Variants in GAS2L2 observed in about 807,000 individuals in gnomAD.
The protein encoded by GAS2L2 is growth arrest specific 2 like 2, also known as GAS2-like protein 2.
In GAS2L2, 21 loss-of-function variants were observed where a neutral mutation model predicts 35.2. That is an observed-to-expected ratio of 0.60 (90% CI 0.42 to 0.86). The LOEUF (loss-of-function observed/expected upper bound fraction) is 0.86. Among genes scored for constraint, GAS2L2 ranks in the 40% least tolerant of loss-of-function variants. GAS2L2 has a pLI of 0.00. For synonymous variants in GAS2L2, 490 were observed against 473.2 expected, an observed-to-expected ratio of 1.04 and a Z score of -0.46; for missense variants, 1,169 against 1,144.4, an observed-to-expected ratio of 1.02 and a Z score of -0.31.
At position 35,750,169 on chromosome 17, in the gene GAS2L2, C is replaced by T. The variant is rs2143022398; in HGVS notation, c.535G>A (p.Val179Met). Residue 179 changes from valine to methionine, a missense_variant, in exon 2 of 6, where the codon GTG becomes ATG. This residue lies in a region of GAS2L2 where 1,035 missense variants were observed against 976.5 expected (regional missense o/e 1.06). Coordinates refer to ENST00000604641, the MANE Select transcript of GAS2L2 (RefSeq NM_139285.4). ...GGGGGCAGGGCCAGCTCCCGCCGCA[C>T]CTCCTCCTCGATCTCCTCCTCCAGC... ...VQLEEEIEEE[V>M]RRELALPPPD... is the part of the protein sequence containing the mutation. The T allele has an allele frequency of 1.2e-6, 2 of 1,611,916 alleles. No homozygotes were observed. The highest frequency in any genetic ancestry group is 1.7e-6 in the Non-Finnish European group (2 of 1,178,946).
rs2085661170 is a variant in GAS2L2 at position 35,745,672 on chromosome 17, A to G, written c.1825T>C (p.Leu609=). The G allele has an allele frequency of 1.9e-6, 3 of 1,613,958 alleles. No homozygotes were observed. The highest frequency in any genetic ancestry group is 1.7e-6 in the Non-Finnish European group (2 of 1,180,032). Residue 609 remains leucine, a synonymous_variant, in exon 6 of 6, where the codon TTG becomes CTG. Coordinates refer to ENST00000604641, the MANE Select transcript of GAS2L2 (RefSeq NM_139285.4). ...ACTTCTAGCAGCTTCATGTTGCCCA[A>G]AATCTCCTCTTCAAGGCTACAGTAG... is the stretch of plus-strand genomic sequence containing the variant. ...AIYCSLEEEI[L]GNMKLLEVRS... is the part of the protein sequence containing the mutation.
chr17:35,750,405 A>C, intron 1 of GAS2L2, 87 bp from the exon 2 acceptor site: 1 of 1,559,666 alleles, frequency 6.4e-7, no homozygotes, highest in Non-Finnish European at 8.8e-7. Flanking sequence ...GCGGGGAGGA[A>C]AGCACTGGGG....
chr17:35,749,053 C>T, intron 3 of GAS2L2, 57 bp downstream of exon 3: 1 of 1,140,984 alleles, frequency 8.8e-7, no homozygotes, highest in East Asian at 2.4e-5. Context: ...GTCATTGTCC[C>T]AAGCCTGGGC....
In GAS2L2 at chr17:35,750,058, C is replaced by T. The variant is rs1161982291; in HGVS notation, c.627+19G>A. On this transcript the variant is annotated intron_variant, in intron 2 of 5. Coordinates refer to ENST00000604641, the MANE Select transcript of GAS2L2 (RefSeq NM_139285.4). ...GACAAAGGGAAGGGGGCCCTGAGGG[C>T]GTGTGCAGAGCCCCTCACCATCTGG... The T allele has an allele frequency of 1.3e-6, 2 of 1,599,870 alleles. No individual in the cohort carries two copies. The highest frequency in any genetic ancestry group is 1.7e-6 in the Non-Finnish European group (2 of 1,174,744).
intron 1 of GAS2L2, among the ~76,000 whole-genome samples, chr17:35,751,848 C>CTCTT (rs2085705431): frequency 5.0e-5 from 5 of 99,986 alleles, no homozygotes; most frequent in African/African-American, 2.0e-4. Context: ...CTCTCTCTCT[C>CTCTT]TTTTTTTTTT....
In GAS2L2 at chr17:35,745,537, C is replaced by G; in HGVS notation, c.1960G>C (p.Ala654Pro). The G allele has an allele frequency of 1.2e-6, 2 of 1,612,942 alleles. No homozygotes were observed. The highest frequency in any genetic ancestry group is 1.7e-6 in the Non-Finnish European group (2 of 1,179,422). Residue 654 changes from alanine (A) to proline (P), a missense_variant, in exon 6 of 6, where the codon GCC (alanine) becomes CCC (proline). Ala to Pro is a conservative substitution (Grantham distance 27). Coordinates refer to ENST00000604641, the MANE Select transcript of GAS2L2 (RefSeq NM_139285.4). The part of the protein sequence containing the change: ...WPEPGGPYDK[A>P]IQELAQGSPS... ...GACCCCTGAGCCAGTTCTTGGATGG[C>G]TTTGTCATAAGGACCCCCAGGCTCA...
At position 35,747,093 on chromosome 17, in the gene GAS2L2, G is replaced by A. The variant is rs782422261; in HGVS notation, c.1008C>T (p.Pro336=). The part of the protein sequence containing the change: ...YTSSDRRLRP[P]TPSSPRPRRE... Reference sequence around the variant, plus strand: ...TGCGGGGTCTGGGGGAGGATGGGGTGGGGGGCCTCAGCCTTCGGTCTGAAG... The same window carrying A: ...TGCGGGGTCTGGGGGAGGATGGGGTAGGGGGCCTCAGCCTTCGGTCTGAAG... The change falls in exon 5 of 6, where the codon CCC becomes CCT. Residue 336 remains proline, a synonymous_variant. Coordinates refer to ENST00000604641, the MANE Select transcript of GAS2L2 (RefSeq NM_139285.4). 2 of 1,611,458 alleles carry A rather than the reference G, an allele frequency of 1.2e-6. No individual in the cohort carries two copies. The highest frequency in any genetic ancestry group is 1.7e-6 in the Non-Finnish European group (2 of 1,178,554).
At chr17:35,748,065 G>C in intron 3 of GAS2L2, 120 bp from the exon 4 acceptor site, 1 of 650,470 alleles carries the variant, frequency 1.5e-6, no homozygotes, top group Non-Finnish European at 2.7e-6. Context: ...TCCACACGTA[G>C]ATGTATGTGT....
At chr17:35,751,475 C>T (rs2085702946) in intron 1 of GAS2L2, among the ~76,000 whole-genome samples, 1 of 152,114 alleles carries the variant, frequency 6.6e-6, no homozygotes, top group South Asian at 2.1e-4. Context: ...CGAGACCAGC[C>T]TGGCCAACAT....
In GAS2L2 at chr17:35,747,008, C is replaced by A. The variant is rs782651265; in HGVS notation, c.1085+8G>T. The A allele has an allele frequency of 6.5e-7, 1 of 1,544,788 alleles. No individual in the cohort carries two copies. The highest frequency in any genetic ancestry group is 2.0e-5 in the Admixed American group (1 of 50,402). ...AAAAAGAGCCCCATCCCTGTCTCTT[C>A]CCCATACCTCAGGAATGGTGCCATC... is the stretch of plus-strand genomic sequence containing the variant. On this transcript the variant is annotated splice_region_variant and intron_variant, in intron 5 of 5. Transcript: ENST00000604641.
rs1555598837 is a variant in GAS2L2 at position 35,745,799 on chromosome 17, G to C, written c.1698C>G (p.Ile566Met). 2 of 1,613,702 alleles carry C rather than the reference G, an allele frequency of 1.2e-6. No homozygotes were observed. Among genetic ancestry groups the C allele is most frequent in the South Asian group, 1.1e-5 (1 of 91,092 alleles). The change falls in exon 6 of 6, where the codon ATC becomes ATG. Residue 566 changes from isoleucine to methionine, a missense_variant. Physicochemically the swap from Ile to Met is conservative, Grantham distance 10 (BLOSUM62 1). Transcript: ENST00000604641. ...ACTCTCTGGCCTCTGCCATGACCTG[G>C]ATGTCCAGCTGCTGGTCCTCCTGCC... ...EVRQEDQQLDIQVMAEARESW... is the reference protein window; with the variant it reads ...EVRQEDQQLDMQVMAEARESW...
chr17:35,750,226 G>A lies in GAS2L2; in HGVS notation c.478C>T (p.Arg160Cys), dbSNP rs1555599595. The A allele has an allele frequency of 6.2e-7, 1 of 1,613,776 alleles. No homozygotes were observed. Residue 160 changes from arginine (R) to cysteine (C), a missense_variant, in exon 2 of 6, where the codon CGC (arginine) becomes TGC (cysteine). Around this residue, in one of 3 missense-constraint regions of GAS2L2, gnomAD observed 1,035 missense variants for 976.5 expected, o/e 1.06. Coordinates refer to ENST00000604641, the MANE Select transcript of GAS2L2 (RefSeq NM_139285.4). ...CLLELGRRAW[R>C]FGVAAPTLVQ... ...AGTGTGGGCGCCGCAACACCAAAGC[G>A]CCACGCCCGGCGGCCCAGCTCCAGC... is the stretch of plus-strand genomic sequence containing the variant.
In GAS2L2 at chr17:35,753,110, C is replaced by T. The variant is rs587646488; in HGVS notation, c.-260G>A. Reference sequence around the variant, plus strand: ...CTGCAGCAACCTTGCTCTCAGGCTGCCCAGTCCACTTGGAGTTCACCCCTC... The same window carrying T: ...CTGCAGCAACCTTGCTCTCAGGCTGTCCAGTCCACTTGGAGTTCACCCCTC... On this transcript the variant is annotated 5_prime_UTR_variant, in exon 1 of 6. Transcript: ENST00000604641. Among the ~76,000 whole-genome samples, 23 of 152,306 alleles carry T rather than the reference C, an allele frequency of 1.5e-4. No homozygotes were observed. Among genetic ancestry groups the T allele is most frequent in the African/African-American group, 5.5e-4 (23 of 41,564 alleles).
rs1555598792 is a variant in GAS2L2 at position 35,745,597 on chromosome 17, C to T, written c.1900G>A (p.Gly634Arg). The change falls in exon 6 of 6, where the codon GGG (glycine) becomes AGG (arginine). Residue 634 changes from glycine (G) to arginine (R), a missense_variant. Gly to Arg is a moderately radical substitution (Grantham distance 125, BLOSUM62 -2). Transcript: ENST00000604641. Reference protein sequence around the residue: ...GTRSGVIPRSGVYIPRLAGQW... With the variant: ...GTRSGVIPRSRVYIPRLAGQW... ...CCAGCCAGCCTGGGGATGTAGACCC[C>T]ACTGCGAGGGATGACCCCAGACCTT... 1 of 1,613,934 alleles carries T rather than the reference C, an allele frequency of 6.2e-7. No individual in the cohort carries two copies. Among genetic ancestry groups the T allele is most frequent in the East Asian group, 2.2e-5 (1 of 44,876 alleles).
chr17:35,749,938 G>A (rs1463615666), intron 2 of GAS2L2, 139 bp downstream of exon 2: 1 of 772,496 alleles, frequency 1.3e-6, no homozygotes, highest in Admixed American at 2.9e-5. Context: ...GTGCCTTAAA[G>A]CCACACAGTG....
rs2085673449 is a variant in GAS2L2, at chr17:35,747,102, C to T, written c.999G>A (p.Leu333=). 4 of 1,613,188 alleles carry T rather than the reference C, an allele frequency of 2.5e-6. No individual in the cohort carries two copies. Among genetic ancestry groups the T allele is most frequent in the Middle Eastern group, 1.7e-4 (1 of 5,986 alleles). The change falls in exon 5 of 6, where the codon CTG becomes CTA. Residue 333 remains leucine, a synonymous_variant. Transcript: ENST00000604641. ...TGGGGGAGGATGGGGTGGGGGGCCT[C>T]AGCCTTCGGTCTGAAGAGGTATATG... ...WKTYTSSDRR[L]RPPTPSSPRP...
chr17:35,752,939 T>C lies in GAS2L2; in HGVS notation c.-89A>G. 3 of 1,378,164 alleles carry C rather than the reference T, an allele frequency of 2.2e-6. No individual in the cohort carries two copies. Among genetic ancestry groups the C allele is most frequent in the Non-Finnish European group, 2.9e-6 (3 of 1,030,472 alleles). The allele number at this position is 1,378,164 out of a possible 1,614,324, so 85.4% of individuals were successfully genotyped here. A position where few individuals can be genotyped will look rare whatever the true frequency, so the allele number is the denominator to read the frequency against. The stretch of plus-strand genomic sequence containing the variant: ...CGCTGCTGCTGGGTCTCGGCTGGGT[T>C]CTTCCTGATTCTGAGGTTCCCGTGT... On this transcript the variant is annotated 5_prime_UTR_variant, in exon 1 of 6. Coordinates refer to ENST00000604641, the MANE Select transcript of GAS2L2 (RefSeq NM_139285.4).
rs1024040783 is a variant in GAS2L2, at chr17:35,745,411, A to C, written c.2086T>G (p.Leu696Val). The C allele has an allele frequency of 1.3e-6, 2 of 1,572,998 alleles. No individual in the cohort carries two copies. The highest frequency in any genetic ancestry group is 1.2e-5 in the South Asian group (1 of 84,746). ...TPGPGSLKGKLGARQSGPRTK... is the reference protein window; with the variant it reads ...TPGPGSLKGKVGARQSGPRTK... ...CTGGGCCCACTCTGTCTGGCTCCCA[A>C]CTTCCCTTTGAGGCTTCCCGGTCCT... Residue 696 changes from leucine (L) to valine (V), a missense_variant, in exon 6 of 6, where the codon TTG becomes GTG. Leu to Val is a conservative substitution (Grantham distance 32). Around this residue, in one of 3 missense-constraint regions of GAS2L2, gnomAD observed 1,035 missense variants for 976.5 expected, o/e 1.06. Transcript: ENST00000604641.
Position 35,745,010 on chromosome 17 carries a change from C to T in GAS2L2, c.2487G>A (p.Arg829=). 6.2e-7 allele frequency: 1 copy of T among 1,614,096 alleles called. No homozygotes were observed. The highest frequency in any genetic ancestry group is 8.5e-7 in the Non-Finnish European group (1 of 1,180,032). ...VLGSKGGEAS[R]VDGASVGEEE... ...CCTCACCTACTGAAGCTCCATCCAC[C>T]CGGGATGCCTCCCCTCCCTTGCTGC... is the stretch of plus-strand genomic sequence containing the variant. The change falls in exon 6 of 6, where the codon CGG becomes CGA. Residue 829 remains arginine (R), a synonymous_variant. Transcript: ENST00000604641.
Sources: gnomAD v4.1 joint callset for allele counts (sites outside exome capture counted in the v4.1 genomes callset) on GRCh38, gnomAD v4.1.1 for gene constraint, gnomAD v4.1.1 regional missense constraint, MANE v1.5 for transcripts, NCBI Gene and HGNC (gene_info 2026-07-23, HGNC 2026-07-21) for gene names.